ASCC3: variants seen among roughly 807,000 people sequenced by gnomAD.
ASCC3 encodes ASC-1 complex subunit P200.
Under a neutral mutation model 256.3 loss-of-function variants are expected in ASCC3, and 158 were observed. The ratio of observed to expected loss-of-function variants is 0.62; its 90% CI spans 0.54 to 0.70. The LOEUF is 0.70. Among genes scored for constraint, ASCC3 ranks in the 30% least tolerant of loss-of-function variants. ASCC3 has a pLI of 0.00. For synonymous variants in ASCC3, 948 were observed against 883.4 expected (o/e 1.07, Z -1.30); for missense variants, 2,259 against 2,626.0 (o/e 0.86, Z 3.05).
chr6:100,786,937 TC>T (rs1164812776), intron 8 of ASCC3, among the ~76,000 whole-genome samples: 2 of 152,130 alleles, frequency 1.3e-5, no homozygotes, highest in Non-Finnish European at 2.9e-5. Context: ...GGAATTTAAA[TC>T]TTTATCTTAC....
At chr6:100,561,739 G>C (rs1006441090) in intron 36 of ASCC3, among the ~76,000 whole-genome samples, 1 of 151,952 alleles carries the variant, frequency 6.6e-6, no homozygotes, top group African/African-American at 2.4e-5. Context: ...TTCATTTGTT[G>C]ATCTATCAGA....
intron 3 of ASCC3, chr6:100,858,701 T>C (rs1474221898): frequency 9.9e-7 from 1 of 1,014,448 alleles, no homozygotes; most frequent in Non-Finnish European, 1.2e-6. Flanking sequence ...CAGTACATTT[T>C]AATCTTCATG....
intron 14 of ASCC3, among the ~76,000 whole-genome samples, chr6:100,678,858 A>G (rs541851870): frequency 7.2e-4 from 110 of 152,318 alleles, no homozygotes; most frequent in African/African-American, 2.6e-3. Context: ...TTATGTTCTG[A>G]CAAAACTTTA....
At chr6:100,601,771 G>A (rs576043971) in intron 34 of ASCC3, 39 bp downstream of exon 34, 4 of 1,600,446 alleles carry the variant, frequency 2.5e-6, no homozygotes, top group East Asian at 2.3e-5. Flanking sequence ...TCTTATTTCG[G>A]GGCAAAACAG....
At position 100,740,841 on chromosome 6, in the gene ASCC3, C is replaced by T. The variant is rs184324027; in HGVS notation, c.1738-15138G>A. Among the ~76,000 whole-genome samples, 343 of 152,296 alleles carry T rather than the reference C, an allele frequency of 2.3e-3. 4 individuals carry two copies. The highest frequency in any genetic ancestry group is 1.1e-3 in the Non-Finnish European group (74 of 68,028). On this transcript the variant is annotated intron_variant, in intron 10 of 41. Coordinates refer to ENST00000369162, the MANE Select transcript of ASCC3 (RefSeq NM_006828.4). ...AAAACAGCAGACTGATGGATCTTGG[C>T]TCTTTATCCAGCTTGCCATTCAGTG...
At chr6:100,596,024 C>T (rs1372437109) in intron 34 of ASCC3, among the ~76,000 whole-genome samples, 1 of 151,866 alleles carries the variant, frequency 6.6e-6, no homozygotes, top group African/African-American at 2.4e-5. Context: ...TAGAATTGTG[C>T]TTTGGTTTAA....
At chr6:100,564,082 A>C (rs1770101456) in intron 36 of ASCC3, among the ~76,000 whole-genome samples, 1 of 151,318 alleles carries the variant, frequency 6.6e-6, no homozygotes, top group South Asian at 2.1e-4. Context: ...AAGGTGTTTC[A>C]CTATAATGTT....
At chr6:100,564,536 C>A (rs1264517763) in intron 36 of ASCC3, among the ~76,000 whole-genome samples, 1 of 152,086 alleles carries the variant, frequency 6.6e-6, no homozygotes, top group Non-Finnish European at 1.5e-5. Flanking sequence ...TTCTTAATAA[C>A]CAGAATTGCA....
In ASCC3 at chr6:100,858,647, T is replaced by TCA. The variant is rs879932926; in HGVS notation, c.241+5415_241+5416dup. On this transcript the variant is annotated intron_variant, in intron 3 of 41. Coordinates refer to ENST00000369162, the MANE Select transcript of ASCC3 (RefSeq NM_006828.4). ...TAATCCACTCATTATAAACACTTGATCACACACACACATCATGTGTATTTC... is the reference window on the plus strand; with the variant it reads ...TAATCCACTCATTATAAACACTTGATCACACACACACACATCATGTGTATTTC... 2.7e-5 allele frequency: 27 copies of TCA among 993,208 alleles called. No individual in the cohort carries two copies. The African/African-American group carries it at 3.8e-4, about 14-fold the overall frequency. The allele number at this position is 993,208 out of a possible 1,614,324, so 61.5% of individuals were successfully genotyped here.
intron 10 of ASCC3, among the ~76,000 whole-genome samples, chr6:100,733,593 T>C (rs986383485): frequency 6.6e-6 from 1 of 152,094 alleles, no homozygotes; most frequent in African/African-American, 2.4e-5. Context: ...ATGAGCCAAA[T>C]AAATACCTTT....
At chr6:100,566,820 T>C (rs1338807937) in intron 36 of ASCC3, among the ~76,000 whole-genome samples, 3 of 151,166 alleles carry the variant, frequency 2.0e-5, no homozygotes, top group Non-Finnish European at 4.5e-5. Flanking sequence ...CCTAGCTCCA[T>C]GTAAGGAAGG....
chr6:100,579,047 T>C (rs1771040638), intron 36 of ASCC3, among the ~76,000 whole-genome samples: 1 of 152,136 alleles, frequency 6.6e-6, no homozygotes. Context: ...GGTATCTCAC[T>C]GTGGTTTTGG....
At chr6:100,589,437 G>A (rs1183945475) in intron 36 of ASCC3, among the ~76,000 whole-genome samples, 197 bp downstream of exon 36, 1 of 151,988 alleles carries the variant, frequency 6.6e-6, no homozygotes, top group Non-Finnish European at 1.5e-5. Flanking sequence ...CACTCAGAAG[G>A]ATCCAAGTTT....
intron 36 of ASCC3, among the ~76,000 whole-genome samples, chr6:100,569,420 C>T (rs898403062): frequency 2.0e-5 from 3 of 151,910 alleles, no homozygotes; most frequent in East Asian, 1.9e-4. Flanking sequence ...CTTGCTCTGT[C>T]GCCCAGGCTG....
rs375338835 is a variant in ASCC3, at chr6:100,824,951, G to C, written c.802-19071C>G. 6.6e-5 allele frequency among the ~76,000 whole-genome samples: 10 copies of C among 152,062 alleles called. No homozygotes were observed. The East Asian group carries it at 1.7e-3, about 27-fold the overall frequency. Reference sequence around the variant, plus strand: ...AATGTGAATAAAAAATACAATAAAGGCCAGGAAAAAATTTAATATCTCAAT... The same window carrying C: ...AATGTGAATAAAAAATACAATAAAGCCCAGGAAAAAATTTAATATCTCAAT... On this transcript the variant is annotated intron_variant, in intron 4 of 41. Transcript: ENST00000369162.
chr6:100,640,895 G>A (rs1285055916), intron 24 of ASCC3, among the ~76,000 whole-genome samples: 2 of 152,068 alleles, frequency 1.3e-5, no homozygotes, highest in African/African-American at 4.8e-5. Context: ...AATTCCCAAA[G>A]GACTGCCAAA....
chr6:100,792,465 C>T (rs1445793274), intron 8 of ASCC3, among the ~76,000 whole-genome samples: 2 of 151,826 alleles, frequency 1.3e-5, no homozygotes, highest in African/African-American at 4.8e-5. Flanking sequence ...CCAAAGGTAA[C>T]AGCAATTTCA....
chr6:100,835,931 T>C (rs2114472047), intron 4 of ASCC3, among the ~76,000 whole-genome samples: 1 of 152,234 alleles, frequency 6.6e-6, no homozygotes, highest in African/African-American at 2.4e-5. Flanking sequence ...ATTTCATCAA[T>C]GTTTTATATG....
At chr6:100,768,210 GC>G (rs55719950) in intron 8 of ASCC3, among the ~76,000 whole-genome samples, 63,466 of 151,806 alleles carry the variant, frequency 0.42, 13,816 homozygotes, top group South Asian at 0.6. Context: ...TGCAACATGT[GC>G]AGGTGTAGAA....
Sources: allele counts gnomAD v4.1 joint callset (sites outside exome capture counted in the v4.1 genomes callset), GRCh38; gene constraint gnomAD v4.1.1; transcripts MANE v1.5; gene names NCBI Gene and HGNC (gene_info 2026-07-23, HGNC 2026-07-21).